The following ATP8A2 variants were observed in gnomAD, a reference collection of about 807,000 sequenced individuals.
ATP8A2 encodes the protein phospholipid-transporting ATPase IB.
A neutral mutation model predicts 165.6 loss-of-function variants in ATP8A2; 100 were observed. The ratio of observed to expected loss-of-function variants is 0.60; its 90% CI spans 0.51 to 0.71. ATP8A2 has a LOEUF of 0.71. Among genes scored for constraint, ATP8A2 ranks in the 30% least tolerant of loss-of-function variants. The pLI, the probability that ATP8A2 is intolerant of heterozygous loss-of-function variation, is 0.00. For missense variants in ATP8A2, 1,227 were observed against 1,479.5 expected, an observed-to-expected ratio of 0.83 and a Z score of 2.80; for synonymous variants, 543 against 548.8, an observed-to-expected ratio of 0.99 and a Z score of 0.15.
intron 1 of ATP8A2, among the ~76,000 whole-genome samples, chr13:25,388,062 CAA>C (rs60007640): frequency 0.97 from 144,373 of 149,320 alleles, 69,936 homozygotes; most frequent in East Asian, 1. Flanking sequence ...GACTCCATCT[CAA>C]AAAAAAAAAA....
chr13:25,841,121 G>T (rs1384186727), intron 30 of ATP8A2, among the ~76,000 whole-genome samples: 1 of 152,220 alleles, frequency 6.6e-6, no homozygotes, highest in Non-Finnish European at 1.5e-5. Flanking sequence ...TATACGTTCA[G>T]TTGGTGCCTT....
At position 25,769,161 on chromosome 13, in the gene ATP8A2, G is replaced by A. The variant is rs371354261; in HGVS notation, c.2500G>A (p.Val834Met). ...NDVGMIQTAHVGVGISGNEGM... is the reference protein window; with the variant it reads ...NDVGMIQTAHMGVGISGNEGM... ...TGTCGGGATGATCCAGACAGCCCACGTGGGTGTGGGAATCAGTGGGAATGA... is the reference window on the plus strand; with the variant it reads ...TGTCGGGATGATCCAGACAGCCCACATGGGTGTGGGAATCAGTGGGAATGA... Residue 834 changes from valine to methionine, a missense_variant, in exon 26 of 37, where the codon GTG becomes ATG. Val to Met is a conservative substitution (Grantham distance 21). Coordinates refer to ENST00000381655, the MANE Select transcript of ATP8A2 (RefSeq NM_016529.6). 3.1e-6 allele frequency: 5 copies of A among 1,614,076 alleles called. No homozygotes were observed. Among genetic ancestry groups the A allele is most frequent in the Non-Finnish European group, 4.2e-6 (5 of 1,179,942 alleles).
intron 30 of ATP8A2, among the ~76,000 whole-genome samples, chr13:25,844,916 C>A (rs777526296): frequency 2.6e-5 from 4 of 152,238 alleles, no homozygotes; most frequent in Admixed American, 6.5e-5. Flanking sequence ...AACAGAAGCA[C>A]ACTTCTTCTT....
chr13:25,550,237 G>A (rs998963325), intron 10 of ATP8A2, among the ~76,000 whole-genome samples: 10 of 152,120 alleles, frequency 6.6e-5, no homozygotes, highest in Non-Finnish European at 7.4e-5. Flanking sequence ...CCCAGGAGGC[G>A]GAGGTTGCAG....
rs117279423 is a variant in ATP8A2, at chr13:25,670,895, A to T, written c.2212-28278A>T. ...TGTGAAATCATGGAGCTGGTTCCTC[A>T]TCAATTTCATGACTGAAAAGTTTGT... On this transcript the variant is annotated intron_variant, in intron 24 of 36. Coordinates refer to ENST00000381655, the MANE Select transcript of ATP8A2 (RefSeq NM_016529.6). 4.8e-4 allele frequency among the ~76,000 whole-genome samples: 73 copies of T among 152,320 alleles called. No individual in the cohort carries two copies. The East Asian group carries it at 0.014, about 29-fold the overall frequency.
chr13:26,012,480 C>T (rs1956869516), intron 35 of ATP8A2, 51 bp from the exon 36 acceptor site: 3 of 1,443,712 alleles, frequency 2.1e-6, no homozygotes, highest in African/African-American at 2.9e-5. Flanking sequence ...TCTCCTTGTG[C>T]AACCCGAGTG....
intron 25 of ATP8A2, among the ~76,000 whole-genome samples, chr13:25,765,138 C>T (rs1285819340): frequency 6.6e-6 from 1 of 152,178 alleles, no homozygotes. Flanking sequence ...ACTCCAGGAA[C>T]TGATTTTTGT....
intron 30 of ATP8A2, among the ~76,000 whole-genome samples, chr13:25,854,902 C>T (rs1376192351): frequency 6.6e-6 from 1 of 152,178 alleles, no homozygotes; most frequent in African/African-American, 2.4e-5. Context: ...CAGCCATCAT[C>T]ACAATACATT....
intron 2 of ATP8A2, among the ~76,000 whole-genome samples, chr13:25,519,340 A>G (rs182530057): frequency 2.0e-4 from 30 of 152,024 alleles, no homozygotes; most frequent in Admixed American, 1.7e-3. Context: ...TTTCCCCTGC[A>G]GTATTCATCA....
At chr13:25,733,864 G>GC (rs5802346) in intron 25 of ATP8A2, among the ~76,000 whole-genome samples, 1 of 152,226 alleles carries the variant, frequency 6.6e-6, no homozygotes, top group Non-Finnish European at 1.5e-5. Flanking sequence ...ACCACAAATA[G>GC]GTTTAACACC....
intron 34 of ATP8A2, 141 bp downstream of exon 34, chr13:25,961,804 A>T (rs1955666775): frequency 1.5e-6 from 1 of 651,546 alleles, no homozygotes; most frequent in Non-Finnish European, 2.7e-6. Flanking sequence ...AGAAATGAAA[A>T]AAAAATTTTT....
chr13:25,884,091 T>A (rs1953065465), intron 33 of ATP8A2, among the ~76,000 whole-genome samples: 1 of 152,098 alleles, frequency 6.6e-6, no homozygotes. Context: ...CCACCCTCAG[T>A]GTTACTCCCT....
intron 2 of ATP8A2, among the ~76,000 whole-genome samples, chr13:25,471,509 AT>A (rs1403371644): frequency 7.9e-5 from 12 of 152,090 alleles, no homozygotes; most frequent in African/African-American, 2.9e-4. Context: ...TGCCCAGCTA[AT>A]TTTTGTATTT....
intron 1 of ATP8A2, among the ~76,000 whole-genome samples, chr13:25,451,998 G>T (rs974349404): frequency 6.6e-6 from 1 of 152,070 alleles, no homozygotes; most frequent in Non-Finnish European, 1.5e-5. Context: ...GGGATTACAG[G>T]CGCCTGCCAC....
intron 1 of ATP8A2, among the ~76,000 whole-genome samples, chr13:25,422,656 G>A (rs1174581872): frequency 6.6e-6 from 1 of 152,206 alleles, no homozygotes; most frequent in African/African-American, 2.4e-5. Context: ...TTACAAGGAA[G>A]GATGTTTATT....
intron 24 of ATP8A2, among the ~76,000 whole-genome samples, chr13:25,622,898 TG>T (rs2041007938): frequency 6.6e-6 from 1 of 152,248 alleles, no homozygotes; most frequent in African/African-American, 2.4e-5. Context: ...TCAGATGTGC[TG>T]TCATATTAGT....
intron 24 of ATP8A2, among the ~76,000 whole-genome samples, chr13:25,657,127 G>T (rs980463540): frequency 6.6e-6 from 1 of 151,030 alleles, no homozygotes; most frequent in Non-Finnish European, 1.5e-5. Flanking sequence ...TTGTCCAGGG[G>T]AGTTGGGGAA....
chr13:25,576,701 A>G (rs1194110222), intron 19 of ATP8A2, among the ~76,000 whole-genome samples: 1 of 152,102 alleles, frequency 6.6e-6, no homozygotes, highest in Non-Finnish European at 1.5e-5. Flanking sequence ...CCACTTTCCT[A>G]CCTACTGGGC....
chr13:25,956,441 T>C (rs1220214034), intron 33 of ATP8A2, among the ~76,000 whole-genome samples: 1 of 152,146 alleles, frequency 6.6e-6, no homozygotes, highest in African/African-American at 2.4e-5. Flanking sequence ...ACAAAATCAA[T>C]GTGCAAAAAT....
Sources: gnomAD v4.1 joint callset for allele counts (sites outside exome capture counted in the v4.1 genomes callset) on GRCh38, gnomAD v4.1.1 for gene constraint, MANE v1.5 for transcripts, NCBI Gene and HGNC (gene_info 2026-07-23, HGNC 2026-07-21) for gene names.